Variants in SLC35G1 observed in about 807,000 individuals in gnomAD.
The protein encoded by SLC35G1 is solute carrier family 35 member G1.
Under a neutral mutation model 17.1 loss-of-function variants are expected in SLC35G1, and 10 were observed. The ratio of observed to expected loss-of-function variants is 0.59; its 90% CI spans 0.36 to 0.99. The LOEUF (loss-of-function observed/expected upper bound fraction) is 0.99, where lower values mean the gene tolerates loss of function less well. SLC35G1 is among the 50% of genes least tolerant of loss of function. The pLI is 0.01. For synonymous variants in SLC35G1, 185 were observed against 181.1 expected (o/e 1.02, Z -0.18); for missense variants, 433 against 468.4 (o/e 0.92, Z 0.70).
At chr10:93,904,681 T>C (rs945316016), downstream of SLC35G1, among the ~76,000 whole-genome samples, 1 of 152,182 alleles carries the variant, frequency 6.6e-6, no homozygotes, top group Admixed American at 6.5e-5. Context: ...AGGTCTAGTG[T>C]GGTTTTATCA....
At chr10:93,907,819 A>G (rs1054125628), downstream of SLC35G1, 2 of 110,210 alleles carry the variant, frequency 1.8e-5, no homozygotes, top group African/African-American at 6.2e-5. Context: ...ATAAAATAAA[A>G]TAAAATAAAA....
At chr10:93,905,318 G>T (rs964599275), downstream of SLC35G1, among the ~76,000 whole-genome samples, 3 of 152,086 alleles carry the variant, frequency 2.0e-5, no homozygotes, top group Admixed American at 6.6e-5. Context: ...ATGGGCATTA[G>T]AATTTGGTTA....
chr10:93,894,346 C>T (rs2060309013), intron 1 of SLC35G1, 135 bp downstream of exon 1: 2 of 884,958 alleles, frequency 2.3e-6, no homozygotes, highest in Non-Finnish European at 1.5e-6. Flanking sequence ...CTCGGGAAAC[C>T]CCTCGAGCTG....
In SLC35G1 at chr10:93,901,702, G is replaced by GT. The variant is rs201195676; in HGVS notation, c.*220dup. The GT allele has an allele frequency of 5.7e-5, 25 of 435,312 alleles. No homozygotes were observed. The highest frequency in any genetic ancestry group is 1.5e-4 in the African/African-American group (7 of 46,360). The allele number at this position is 435,312 out of a possible 1,614,324, so 27.0% of individuals were successfully genotyped here. ...TTTGGTAGCTTTGGTTTTGGTTTTG[G>GT]TTTTTTTTGTTGTTGTTGTTGGGGT... On this transcript the variant is annotated 3_prime_UTR_variant, in exon 3 of 3. Coordinates refer to ENST00000427197, the MANE Select transcript of SLC35G1 (RefSeq NM_001134658.3).
chr10:93,900,522 TCACTTGC>T (rs1412402728), intron 2 of SLC35G1, among the ~76,000 whole-genome samples: 14 of 152,244 alleles, frequency 9.2e-5, no homozygotes, highest in African/African-American at 3.1e-4. Flanking sequence ...TGCATGTAAT[TCACTTGC>T]ACTGGTTTTG....
At chr10:93,907,068 A>G (rs953662632), downstream of SLC35G1, 1 of 152,170 alleles carries the variant, frequency 6.6e-6, no homozygotes, top group Non-Finnish European at 1.5e-5. Flanking sequence ...AGTGTTATTT[A>G]TATTAACATA....
Position 93,902,502 on chromosome 10 carries a change from A to G in SLC35G1, c.*1012A>G, listed in dbSNP as rs1442333000. 6.6e-6 allele frequency: 1 copy of G among 152,624 alleles called. No individual in the cohort carries two copies. Among genetic ancestry groups the G allele is most frequent in the Non-Finnish European group, 1.5e-5 (1 of 68,034 alleles). The allele number at this position is 152,624 out of a possible 1,614,324, so 9.5% of individuals were successfully genotyped here. A position where few individuals can be genotyped will look rare whatever the true frequency, so the allele number is the denominator to read the frequency against. ...TAACTTAGAAAAACCATCGTTTCAT[A>G]TGATTCACCCTAATAGATACCTCCA... On this transcript the variant is annotated 3_prime_UTR_variant, in exon 3 of 3. Coordinates refer to ENST00000427197, the MANE Select transcript of SLC35G1 (RefSeq NM_001134658.3).
Position 93,894,119 on chromosome 10 carries a change from A to G in SLC35G1, c.86A>G (p.Glu29Gly). The G allele has an allele frequency of 6.7e-7, 1 of 1,486,538 alleles. No homozygotes were observed. The highest frequency in any genetic ancestry group is 1.3e-5 in the South Asian group (1 of 79,136). The allele number at this position is 1,486,538 out of a possible 1,614,324, so 92.1% of individuals were successfully genotyped here. Residue 29 changes from glutamate (E) to glycine (G), a missense_variant, in exon 1 of 3, where the codon GAG becomes GGG. Transcript: ENST00000427197. ...LTDDAPPGAT[E>G]EPAAAEAAGA... is the part of the protein sequence containing the mutation. ...GACGATGCACCCCCGGGCGCCACTG[A>G]GGAGCCGGCGGCCGCCGAGGCAGCT...
chr10:93,906,561 C>T (rs989612258), downstream of SLC35G1, among the ~76,000 whole-genome samples: 3 of 152,026 alleles, frequency 2.0e-5, no homozygotes, highest in Non-Finnish European at 2.9e-5. Flanking sequence ...AAAATATAAA[C>T]GATAAAATTG....
In SLC35G1 at chr10:93,894,118, G is replaced by T; in HGVS notation, c.85G>T (p.Glu29Ter). 4.0e-6 allele frequency: 6 copies of T among 1,486,944 alleles called. No homozygotes were observed. Among genetic ancestry groups the T allele is most frequent in the South Asian group, 1.3e-5 (1 of 79,172 alleles). 92.1% of individuals were successfully genotyped at this position (1,486,944 alleles called of 1,614,324 possible). A position where few individuals can be genotyped will look rare whatever the true frequency, so the allele number is the denominator to read the frequency against. The part of the protein sequence containing the change: ...LTDDAPPGAT[E>*]EPAAAEAAGA... ...GGACGATGCACCCCCGGGCGCCACTGAGGAGCCGGCGGCCGCCGAGGCAGC... is the reference window on the plus strand; with the variant it reads ...GGACGATGCACCCCCGGGCGCCACTTAGGAGCCGGCGGCCGCCGAGGCAGC... The change falls in exon 1 of 3, where the codon GAG becomes TAG. Residue 29 changes from glutamate to a stop codon, truncating the protein, a stop_gained. Transcript: ENST00000427197. LOFTEE classifies it high-confidence loss of function.
At chr10:93,897,732 C>A (rs117176619) in intron 1 of SLC35G1, among the ~76,000 whole-genome samples, 2,544 of 152,224 alleles carry the variant, frequency 0.017, 31 homozygotes, top group Middle Eastern at 0.037. Flanking sequence ...ATACTTGATG[C>A]CCTGGAGAAA....
chr10:93,906,049 T>C (rs1283409039), downstream of SLC35G1, among the ~76,000 whole-genome samples: 1 of 152,168 alleles, frequency 6.6e-6, no homozygotes, highest in Non-Finnish European at 1.5e-5. Flanking sequence ...CTGTTCCAAG[T>C]ATACTTGACC....
At position 93,898,629 on chromosome 10, in the gene SLC35G1, C is replaced by T. The variant is rs2060353785; in HGVS notation, c.237C>T (p.Ala79=). The change falls in exon 2 of 3, where the codon GCC becomes GCT. Residue 79 remains alanine (A), a synonymous_variant. Coordinates refer to ENST00000427197, the MANE Select transcript of SLC35G1 (RefSeq NM_001134658.3). The part of the protein sequence containing the change: ...GLGLFYTLLS[A]FLFSVGSLFV... ...GCTTGTTTTACACATTATTGTCTGC[C>T]TTCCTTTTCTCAGTGGGCTCTTTAT... 12 of 1,613,646 alleles carry T rather than the reference C, an allele frequency of 7.4e-6. No individual in the cohort carries two copies. Among genetic ancestry groups the T allele is most frequent in the Non-Finnish European group, 1.0e-5 (12 of 1,179,866 alleles).
chr10:93,894,002 G>C lies in SLC35G1; in HGVS notation c.-32G>C. 10 of 1,355,148 alleles carry C rather than the reference G, an allele frequency of 7.4e-6. No individual in the cohort carries two copies. The highest frequency in any genetic ancestry group is 9.4e-6 in the Non-Finnish European group (10 of 1,058,396). The allele number at this position is 1,355,148 out of a possible 1,614,324, so 83.9% of individuals were successfully genotyped here. On this transcript the variant is annotated 5_prime_UTR_variant, in exon 1 of 3. Transcript: ENST00000427197. ...CAGGCGCTGCTGCTGGCGCCAGACGGCACCGGCCGCTGGTAGAGCGCGTGC... is the reference window on the plus strand; with the variant it reads ...CAGGCGCTGCTGCTGGCGCCAGACGCCACCGGCCGCTGGTAGAGCGCGTGC...
At position 93,901,638 on chromosome 10, in the gene SLC35G1, T is replaced by G; in HGVS notation, c.*148T>G. On this transcript the variant is annotated 3_prime_UTR_variant, in exon 3 of 3. Transcript: ENST00000427197. ...GTACCATTTTTGAATATAGTATGTC[T>G]TTAGTTAAGAATAGCTAGTCTGTTT... is the stretch of plus-strand genomic sequence containing the variant. The G allele has an allele frequency of 1.1e-6, 1 of 921,574 alleles. No individual in the cohort carries two copies. Among genetic ancestry groups the G allele is most frequent in the East Asian group, 2.9e-5 (1 of 34,506 alleles). The allele number at this position is 921,574 out of a possible 1,614,324, so 57.1% of individuals were successfully genotyped here. A position where few individuals can be genotyped will look rare whatever the true frequency, so the allele number is the denominator to read the frequency against.
chr10:93,894,753 G>A (rs572208178), intron 1 of SLC35G1, among the ~76,000 whole-genome samples: 1 of 152,274 alleles, frequency 6.6e-6, no homozygotes, highest in South Asian at 2.1e-4. Context: ...TTTAGCAAAC[G>A]ATGCAGAACA....
At chr10:93,904,625 A>G (rs2060416987), downstream of SLC35G1, among the ~76,000 whole-genome samples, 1 of 152,160 alleles carries the variant, frequency 6.6e-6, no homozygotes, top group South Asian at 2.1e-4. Context: ...TCCTACCCAC[A>G]TAATCCATCT....
intron 2 of SLC35G1, among the ~76,000 whole-genome samples, chr10:93,900,068 TG>T (rs1438014774): frequency 6.6e-6 from 1 of 151,986 alleles, no homozygotes; most frequent in African/African-American, 2.4e-5. Flanking sequence ...CTACACAGAG[TG>T]GGTACTTAGT....
intron 1 of SLC35G1, among the ~76,000 whole-genome samples, chr10:93,897,081 T>C (rs1439952141): frequency 6.6e-6 from 1 of 152,234 alleles, no homozygotes; most frequent in Non-Finnish European, 1.5e-5. Context: ...AGTTTATTTC[T>C]GCAGTATACA....
Sources: allele counts gnomAD v4.1 joint callset (sites outside exome capture counted in the v4.1 genomes callset), GRCh38; gene constraint gnomAD v4.1.1; transcripts MANE v1.5; gene names NCBI Gene and HGNC (gene_info 2026-07-23, HGNC 2026-07-21).